Variants in CCDC50 observed in about 807,000 individuals in gnomAD.
CCDC50 encodes the protein coiled-coil domain-containing protein 50.
A neutral mutation model predicts 70.2 loss-of-function variants in CCDC50; 54 were observed. That is an observed-to-expected ratio of 0.77 (90% CI 0.62 to 0.96). The LOEUF (loss-of-function observed/expected upper bound fraction) is 0.96. Ranked by LOEUF, CCDC50 falls within the 50% of genes least tolerant of loss-of-function variation. The probability of loss-of-function intolerance (pLI) is 0.00; values close to 1 mark genes in which losing one functional copy is unlikely to be tolerated. For synonymous variants in CCDC50, 216 were observed against 198.8 expected (o/e 1.09, Z -0.73); for missense variants, 558 against 578.7 (o/e 0.96, Z 0.37).
intron 1 of CCDC50, among the ~76,000 whole-genome samples, chr3:191,334,382 G>C (rs1206392579): frequency 6.6e-6 from 1 of 152,122 alleles, no homozygotes; most frequent in East Asian, 1.9e-4. Flanking sequence ...CTGTTAATTT[G>C]TAAAATATAT....
In CCDC50 at chr3:191,338,464, G is replaced by A. The variant is rs1001153936; in HGVS notation, c.49+8741G>A. 3.9e-5 allele frequency among the ~76,000 whole-genome samples: 6 copies of A among 152,072 alleles called. No homozygotes were observed. In the South Asian group the frequency reaches 6.2e-4, roughly 16 times the overall value. ...TGGAGTTTGCCTTAATATCTGGGCC[G>A]GTAGCTCTTTTGGAAAGGGCTATTC... On this transcript the variant is annotated intron_variant, in intron 1 of 11. Coordinates refer to ENST00000392455, the MANE Select transcript of CCDC50 (RefSeq NM_178335.3).
intron 1 of CCDC50, among the ~76,000 whole-genome samples, chr3:191,345,157 A>G (rs1037431505): frequency 1.3e-5 from 2 of 152,190 alleles, no homozygotes; most frequent in African/African-American, 2.4e-5. Flanking sequence ...TAATACCTGC[A>G]TCAGCATCTT....
chr3:191,358,545 G>A (rs148013984), intron 3 of CCDC50, among the ~76,000 whole-genome samples: 10 of 152,242 alleles, frequency 6.6e-5, no homozygotes, highest in Admixed American at 2.0e-4. Context: ...TGTGTTTGCC[G>A]CTCTTACTTT....
Position 191,329,570 on chromosome 3 carries a change from G to C in CCDC50, c.-105G>C. 8.2e-7 allele frequency: 1 copy of C among 1,222,136 alleles called. No individual in the cohort carries two copies. 75.7% of individuals were successfully genotyped at this position (1,222,136 alleles called of 1,614,324 possible). On this transcript the variant is annotated 5_prime_UTR_variant, in exon 1 of 12. Transcript: ENST00000392455. Reference sequence around the variant, plus strand: ...TCCGGCCTGCGAGCCCTGCCGGCCGGACTTTGCGCCGCGTCCGGCGCTGCT... The same window carrying C: ...TCCGGCCTGCGAGCCCTGCCGGCCGCACTTTGCGCCGCGTCCGGCGCTGCT...
chr3:191,362,590 C>A (rs985379187), intron 4 of CCDC50, among the ~76,000 whole-genome samples: 9 of 152,146 alleles, frequency 5.9e-5, no homozygotes, highest in African/African-American at 2.2e-4. Flanking sequence ...TTGTTAAGCA[C>A]CCAGAAACAC....
rs180927018 is a variant in CCDC50 at position 191,336,064 on chromosome 3, T to G, written c.49+6341T>G. On this transcript the variant is annotated intron_variant, in intron 1 of 11. Transcript: ENST00000392455. The stretch of plus-strand genomic sequence containing the variant: ...ACATACTGTTTATCCATTCACTAAT[T>G]GAAGAACATATGAGTTTTCAGTTTT... 1.2e-4 allele frequency among the ~76,000 whole-genome samples: 19 copies of G among 152,172 alleles called. No homozygotes were observed. In the East Asian group the frequency reaches 2.9e-3, roughly 23 times the overall value.
rs2108648382 is a variant in CCDC50, at chr3:191,357,268, C to CAAA, written c.112+119_112+120insAAA. ...CAGTCACTTGGCTTCACCATCCATA[C>CAAA]ATCCTGAAGGATTTCTTTAGGCAAA... On this transcript the variant is annotated intron_variant, in intron 2 of 11. Coordinates refer to ENST00000392455, the MANE Select transcript of CCDC50 (RefSeq NM_178335.3). 6 of 795,838 alleles carry CAAA rather than the reference C, an allele frequency of 7.5e-6. No individual in the cohort carries two copies. The South Asian group carries it at 8.7e-5, about 11-fold the overall frequency. 49.3% of individuals were successfully genotyped at this position (795,838 alleles called of 1,614,324 possible).
rs1473534457 is a variant in CCDC50 at position 191,329,949 on chromosome 3, G to T, written c.49+226G>T. Among the ~76,000 whole-genome samples the T allele has an allele frequency of 5.2e-4, 75 of 142,994 alleles. 2 individuals carry two copies. Among genetic ancestry groups the T allele is most frequent in the African/African-American group, 1.5e-3 (59 of 39,416 alleles). 93.8% of individuals were successfully genotyped at this position (142,994 alleles called of 152,430 possible). A position where few individuals can be genotyped will look rare whatever the true frequency, so the allele number is the denominator to read the frequency against. On this transcript the variant is annotated intron_variant, in intron 1 of 11. Coordinates refer to ENST00000392455, the MANE Select transcript of CCDC50 (RefSeq NM_178335.3). ...TTTTCTCAAGGGGGTGGTTGGGGGGGGGGGGGGCTAGCAGCAGCCCCAGCA... is the reference window on the plus strand; with the variant it reads ...TTTTCTCAAGGGGGTGGTTGGGGGGTGGGGGGGCTAGCAGCAGCCCCAGCA...
intron 1 of CCDC50, among the ~76,000 whole-genome samples, chr3:191,348,898 G>C (rs906323976): frequency 7.0e-6 from 1 of 142,382 alleles, no homozygotes; most frequent in Non-Finnish European, 1.6e-5. Flanking sequence ...AATTGCTCAC[G>C]TATTACTTAA....
chr3:191,364,588 AT>A (rs199563039), intron 4 of CCDC50, among the ~76,000 whole-genome samples: 28,532 of 146,532 alleles, frequency 0.19, 4,419 homozygotes, highest in African/African-American at 0.44. Context: ...TGGAACAGAG[AT>A]TTTTTTTTTT....
chr3:191,380,752 G>T (rs1004600184), intron 8 of CCDC50, 21 bp downstream of exon 8: 1 of 1,612,060 alleles, frequency 6.2e-7, no homozygotes. Context: ...GAGTTTAGCT[G>T]ATATTCTTTG....
chr3:191,338,724 C>A (rs1560154926), intron 1 of CCDC50, among the ~76,000 whole-genome samples: 2 of 152,152 alleles, frequency 1.3e-5, no homozygotes, highest in Non-Finnish European at 2.9e-5. Context: ...GATCATTTTA[C>A]TTTTACTTTT....
intron 11 of CCDC50, among the ~76,000 whole-genome samples, chr3:191,391,043 G>A (rs1249665870): frequency 6.6e-6 from 1 of 152,210 alleles, no homozygotes; most frequent in Non-Finnish European, 1.5e-5. Context: ...AATAGAAAGT[G>A]TCAGAGTTGT....
At chr3:191,374,588 C>T (rs79964202) in intron 5 of CCDC50, among the ~76,000 whole-genome samples, 9,029 of 152,212 alleles carry the variant, frequency 0.059, 482 homozygotes, top group East Asian at 0.25. Context: ...TCAAGAGAAA[C>T]TAGCAATATT....
rs563134694 is a variant in CCDC50, at chr3:191,392,366, C to T, written c.*606C>T. On this transcript the variant is annotated 3_prime_UTR_variant, in exon 12 of 12. Coordinates refer to ENST00000392455, the MANE Select transcript of CCDC50 (RefSeq NM_178335.3). Reference sequence around the variant, plus strand: ...GATTGGCCTAGATAGCATTCTTTAACACTTCCTCTGCTTTTGCCTCAGTAG... The same window carrying T: ...GATTGGCCTAGATAGCATTCTTTAATACTTCCTCTGCTTTTGCCTCAGTAG... 1 of 152,510 alleles carries T rather than the reference C, an allele frequency of 6.6e-6. No homozygotes were observed. The highest frequency in any genetic ancestry group is 6.5e-5 in the Admixed American group (1 of 15,310). The allele number at this position is 152,510 out of a possible 1,614,324, so 9.4% of individuals were successfully genotyped here.
rs1713745027 is a variant in CCDC50 at position 191,392,923 on chromosome 3, A to G, written c.*1163A>G. The G allele has an allele frequency of 6.6e-6, 1 of 152,188 alleles. No individual in the cohort carries two copies. The allele number at this position is 152,188 out of a possible 1,614,324, so 9.4% of individuals were successfully genotyped here. A position where few individuals can be genotyped will look rare whatever the true frequency, so the allele number is the denominator to read the frequency against. ...CGGCTAATTTTTGTATTTTTAGTAAAGAGCGGGTTTCACCATGTTGGCCAG... is the reference window on the plus strand; with the variant it reads ...CGGCTAATTTTTGTATTTTTAGTAAGGAGCGGGTTTCACCATGTTGGCCAG... On this transcript the variant is annotated 3_prime_UTR_variant, in exon 12 of 12. Coordinates refer to ENST00000392455, the MANE Select transcript of CCDC50 (RefSeq NM_178335.3).
chr3:191,361,233 G>C (rs906483530), intron 4 of CCDC50, 74 bp downstream of exon 4: 1 of 1,047,368 alleles, frequency 9.5e-7, no homozygotes, highest in Non-Finnish European at 1.5e-6. Context: ...CTTTCTGTAG[G>C]TCACGGGCTC....
intron 1 of CCDC50, among the ~76,000 whole-genome samples, chr3:191,336,738 G>T (rs1711532209): frequency 6.6e-6 from 1 of 152,150 alleles, no homozygotes; most frequent in African/African-American, 2.4e-5. Context: ...TCAGACTTAT[G>T]CAATTACATT....
intron 1 of CCDC50, among the ~76,000 whole-genome samples, chr3:191,345,548 G>A (rs576371562): frequency 1.3e-5 from 2 of 151,994 alleles, no homozygotes; most frequent in African/African-American, 2.4e-5. Context: ...CTCTGTGGTC[G>A]CTGATAATGA....
Sources: gnomAD v4.1 joint callset for allele counts (sites outside exome capture counted in the v4.1 genomes callset) on GRCh38, gnomAD v4.1.1 for gene constraint, MANE v1.5 for transcripts, NCBI Gene and HGNC (gene_info 2026-07-23, HGNC 2026-07-21) for gene names.